Variants in GPC5 observed in about 807,000 individuals in gnomAD.
The protein encoded by GPC5 is glypican 5.
Under a neutral mutation model 53.9 loss-of-function variants are expected in GPC5, and 47 were observed. That is an observed-to-expected ratio of 0.87 (90% CI 0.69 to 1.11). GPC5 has a LOEUF of 1.11. Among genes scored for constraint, GPC5 ranks in the 50% most tolerant of loss-of-function variants. The pLI is 0.00. For synonymous variants in GPC5, 286 were observed against 263.3 expected, an observed-to-expected ratio of 1.09 and a Z score of -0.84; for missense variants, 748 against 713.1, an observed-to-expected ratio of 1.05 and a Z score of -0.56.
chr13:91,625,933 A>G (rs1002637553), intron 2 of GPC5, among the ~76,000 whole-genome samples: 1 of 152,084 alleles, frequency 6.6e-6, no homozygotes, highest in Non-Finnish European at 1.5e-5. Flanking sequence ...CTATTATCTT[A>G]TCCAATTTTA....
At chr13:92,282,619 A>C (rs908790355) in intron 7 of GPC5, among the ~76,000 whole-genome samples, 1 of 152,216 alleles carries the variant, frequency 6.6e-6, no homozygotes, top group Non-Finnish European at 1.5e-5. Context: ...TTTTCAACCC[A>C]GAATTTCATA....
chr13:92,699,637 T>C (rs1887665286), intron 7 of GPC5, among the ~76,000 whole-genome samples: 1 of 152,208 alleles, frequency 6.6e-6, no homozygotes, highest in South Asian at 2.1e-4. Flanking sequence ...GTCTTTGTTC[T>C]TGTTGGTCTC....
chr13:91,693,581 C>T lies in GPC5; in HGVS notation c.720C>T (p.Asp240=). 1.9e-6 allele frequency: 3 copies of T among 1,614,140 alleles called. No homozygotes were observed. Among genetic ancestry groups the T allele is most frequent in the Non-Finnish European group, 2.5e-6 (3 of 1,180,018 alleles). ...GCATTGAAGTCATCAACACCACAGACTATCTGCACTTCTCCAAAGAGTGCA... is the reference window on the plus strand; with the variant it reads ...GCATTGAAGTCATCAACACCACAGATTATCTGCACTTCTCCAAAGAGTGCA... ...NLGIEVINTT[D]YLHFSKECSR... The change falls in exon 3 of 8, where the codon GAC becomes GAT. Residue 240 remains aspartate (D), a synonymous_variant. Coordinates refer to ENST00000377067, the MANE Select transcript of GPC5 (RefSeq NM_004466.6).
intron 5 of GPC5, among the ~76,000 whole-genome samples, chr13:91,817,564 G>A (rs1210271120): frequency 5.9e-5 from 9 of 152,162 alleles, no homozygotes; most frequent in South Asian, 4.1e-4. Context: ...GAAATAATGC[G>A]TGGGAAGTTG....
chr13:92,454,035 A>G (rs760030772), intron 7 of GPC5, among the ~76,000 whole-genome samples: 7 of 152,196 alleles, frequency 4.6e-5, no homozygotes, highest in Middle Eastern at 3.2e-3. Flanking sequence ...CCCTCTAACT[A>G]TATCCCATGA....
rs112899666 is a variant in GPC5, at chr13:92,152,596, G to A, written c.1561+7607G>A. On this transcript the variant is annotated intron_variant, in intron 7 of 7. Transcript: ENST00000377067. ...ACTAAAAAAATACAAAAAATTAGCC[G>A]GGTGTCGTGGCGGGCGCCTGTAGCC... 4.0e-3 allele frequency among the ~76,000 whole-genome samples: 609 copies of A among 152,214 alleles called. 4 individuals are homozygous for A. The highest frequency in any genetic ancestry group is 8.2e-3 in the Admixed American group (125 of 15,300).
At chr13:92,476,536 A>G (rs1879137399) in intron 7 of GPC5, among the ~76,000 whole-genome samples, 1 of 151,604 alleles carries the variant, frequency 6.6e-6, no homozygotes, top group African/African-American at 2.4e-5. Context: ...CAGCCATCCC[A>G]TTACTGGGTA....
At chr13:91,678,425 C>T (rs2035432164) in intron 2 of GPC5, among the ~76,000 whole-genome samples, 1 of 152,086 alleles carries the variant, frequency 6.6e-6, no homozygotes, top group Admixed American at 6.6e-5. Context: ...AACTCCTTAG[C>T]CATTGCTATA....
intron 2 of GPC5, among the ~76,000 whole-genome samples, chr13:91,554,248 G>GAC (rs1011168047): frequency 6.6e-6 from 1 of 151,452 alleles, no homozygotes; most frequent in East Asian, 1.9e-4. Flanking sequence ...TATACACATA[G>GAC]ACACACACAC....
At chr13:91,766,802 G>A (rs577956501) in intron 5 of GPC5, among the ~76,000 whole-genome samples, 1 of 152,196 alleles carries the variant, frequency 6.6e-6, no homozygotes. Flanking sequence ...GGAGGTTGCA[G>A]TGAGCCGAGA....
intron 6 of GPC5, among the ~76,000 whole-genome samples, chr13:92,051,349 A>C (rs979793116): frequency 3.3e-5 from 5 of 151,642 alleles, no homozygotes; most frequent in African/African-American, 1.2e-4. Flanking sequence ...CTACAGGCGC[A>C]CACCACCACG....
In GPC5 at chr13:92,484,053, G is replaced by A. The variant is rs76150972; in HGVS notation, c.1561+339064G>A. 3.4e-3 allele frequency among the ~76,000 whole-genome samples: 519 copies of A among 152,260 alleles called. 1 individual carries two copies. Among genetic ancestry groups the A allele is most frequent in the African/African-American group, 0.012 (483 of 41,544 alleles). The stretch of plus-strand genomic sequence containing the variant: ...CTCAGGAGGCTGAGGTGGGAGGACC[G>A]CTTGAGCCCAAGAGTTTACGGCTAC... On this transcript the variant is annotated intron_variant, in intron 7 of 7. Transcript: ENST00000377067.
chr13:92,146,927 C>G (rs1048151118), intron 7 of GPC5, among the ~76,000 whole-genome samples: 3 of 151,856 alleles, frequency 2.0e-5, no homozygotes, highest in Admixed American at 6.6e-5. Flanking sequence ...GGCATTTGGG[C>G]TGATTCCATA....
chr13:91,989,708 T>A (rs914164416), intron 6 of GPC5, among the ~76,000 whole-genome samples: 1 of 152,200 alleles, frequency 6.6e-6, no homozygotes, highest in Non-Finnish European at 1.5e-5. Context: ...GTTTCAACAA[T>A]GATTACAAAC....
At chr13:92,276,306 G>C (rs1329433296) in intron 7 of GPC5, among the ~76,000 whole-genome samples, 2 of 152,056 alleles carry the variant, frequency 1.3e-5, no homozygotes, top group African/African-American at 4.8e-5. Flanking sequence ...GTGATCCACA[G>C]TGCACCTAAT....
chr13:91,728,432 A>C (rs2036621216), intron 3 of GPC5, 100 bp from the exon 4 acceptor site: 5 of 1,129,442 alleles, frequency 4.4e-6, no homozygotes, highest in South Asian at 3.7e-5. Context: ...ATTGAGGTGA[A>C]AGCAAAAACG....
chr13:92,217,732 C>G (rs1176054314), intron 7 of GPC5, among the ~76,000 whole-genome samples: 1 of 152,030 alleles, frequency 6.6e-6, no homozygotes, highest in Non-Finnish European at 1.5e-5. Flanking sequence ...TAACAACATT[C>G]AGGATCACAA....
intron 5 of GPC5, among the ~76,000 whole-genome samples, chr13:91,762,066 C>T (rs181516590): frequency 1.2e-4 from 19 of 152,280 alleles, no homozygotes; most frequent in African/African-American, 4.1e-4. Flanking sequence ...ATTAATATGC[C>T]ACATTATTTC....
At chr13:92,379,822 A>T (rs1264396845) in intron 7 of GPC5, among the ~76,000 whole-genome samples, 1 of 152,080 alleles carries the variant, frequency 6.6e-6, no homozygotes, top group East Asian at 1.9e-4. Flanking sequence ...CACAGCAAGG[A>T]TCCTCTCTGG....
Sources: allele counts gnomAD v4.1 joint callset (sites outside exome capture counted in the v4.1 genomes callset), GRCh38; gene constraint gnomAD v4.1.1; transcripts MANE v1.5; gene names NCBI Gene and HGNC (gene_info 2026-07-23, HGNC 2026-07-21).